Variants in AP1S2 observed in about 807,000 individuals in gnomAD.
AP1S2 encodes AP-1 complex subunit sigma-2.
AP1S2 carries 1 observed loss-of-function variant against 14.3 expected under a neutral mutation model. The ratio of observed to expected loss-of-function variants is 0.07; its 90% CI spans 0.02 to 0.33. AP1S2 has a LOEUF of 0.33. Ranked by LOEUF, AP1S2 falls within the 10% of genes least tolerant of loss-of-function variation. The probability of loss-of-function intolerance (pLI) is 0.99; values close to 1 mark genes in which losing one functional copy is unlikely to be tolerated. For missense variants in AP1S2, 30 were observed against 117.7 expected, an observed-to-expected ratio of 0.25 and a Z score of 3.45; for synonymous variants, 30 against 40.5, an observed-to-expected ratio of 0.74 and a Z score of 0.99.
rs1934290756 is a variant in AP1S2, at chrX:15,854,726, C to T, written c.-39G>A. ...CGCGGGCGCGGCGGAGCTTGGCCGG[C>T]GGCGGCGGCGGCGGCGAAGGGGAAG... On this transcript the variant is annotated 5_prime_UTR_variant, in exon 1 of 6. Coordinates refer to ENST00000672987, the MANE Select transcript of AP1S2 (RefSeq NM_001272071.2). The T allele has an allele frequency of 1.3e-6, 1 of 795,569 alleles. No homozygotes were observed. The highest frequency in any genetic ancestry group is 1.5e-6 in the Non-Finnish European group (1 of 666,228). The allele number at this position is 795,569 out of a possible 1,213,427, so 65.6% of individuals were successfully genotyped here. A position where few individuals can be genotyped will look rare whatever the true frequency, so the allele number is the denominator to read the frequency against.
intron 1 of AP1S2, among the ~76,000 whole-genome samples, chrX:15,853,447 C>G (rs750268777): frequency 2.7e-5 from 3 of 112,543 alleles, no homozygotes; most frequent in African/African-American, 9.7e-5. Flanking sequence ...CAACTGCAAA[C>G]AGAAGTATTG....
intron 4 of AP1S2, among the ~76,000 whole-genome samples, chrX:15,829,365 G>T (rs910926020): frequency 9.0e-6 from 1 of 111,435 alleles, no homozygotes; most frequent in Admixed American, 9.6e-5. Flanking sequence ...TAGTTTAAAG[G>T]TTCATGTAGC....
chrX:15,834,441 TATATATATATATA>T (rs1406686265), intron 4 of AP1S2, among the ~76,000 whole-genome samples: 3 of 20,954 alleles, frequency 1.4e-4, no homozygotes, highest in African/African-American at 7.8e-4. Context: ...CCTTCCAAAA[TATATATATATATA>T]TATATATATA....
intron 4 of AP1S2, among the ~76,000 whole-genome samples, chrX:15,835,591 A>ATTT (rs1231490969): frequency 3.8e-5 from 4 of 106,004 alleles, no homozygotes; most frequent in Non-Finnish European, 7.8e-5. Context: ...AAGTCAAGCG[A>ATTT]TTTTTTTTTT....
chrX:15,852,888 G>T, intron 1 of AP1S2: 1 of 747,210 alleles, frequency 1.3e-6, no homozygotes, highest in South Asian at 6.8e-5. Flanking sequence ...TGCATCAAAA[G>T]AGAATGGTAG....
intron 2 of AP1S2, among the ~76,000 whole-genome samples, chrX:15,852,144 A>T (rs750033646): frequency 8.9e-6 from 1 of 112,315 alleles, no homozygotes. Context: ...TTTTCAAAGG[A>T]TTTCCCTGCC....
Position 15,836,548 on chromosome X carries a change from A to T in AP1S2, c.427-8348T>A, listed in dbSNP as rs1354545260. Among the ~76,000 whole-genome samples, 3 of 112,470 alleles carry T rather than the reference A, an allele frequency of 2.7e-5. No homozygotes were observed. In the East Asian group the frequency reaches 8.3e-4, roughly 31 times the overall value. ...ACCCATTAGTTATCAAATACTAAAG[A>T]CAAATCACTTTATCTACCAGTTAGT... On this transcript the variant is annotated intron_variant, in intron 4 of 5. Coordinates refer to ENST00000672987, the MANE Select transcript of AP1S2 (RefSeq NM_001272071.2).
At chrX:15,848,905 C>A (rs988036089) in intron 2 of AP1S2, among the ~76,000 whole-genome samples, 1 of 112,220 alleles carries the variant, frequency 8.9e-6, no homozygotes, top group Non-Finnish European at 1.9e-5. Context: ...ATTAAAAATT[C>A]TTTTGTTAGT....
intron 5 of AP1S2, 85 bp downstream of exon 5, chrX:15,828,107 G>T: frequency 2.7e-6 from 2 of 751,017 alleles, no homozygotes; most frequent in Non-Finnish European, 3.7e-6. Flanking sequence ...GGTATTACTA[G>T]CAACGAATTT....
intron 4 of AP1S2, among the ~76,000 whole-genome samples, chrX:15,834,474 AT>A (rs1361663842): frequency 0.074 from 2,340 of 31,410 alleles, 52 homozygotes; most frequent in African/African-American, 0.11. Flanking sequence ...ATATATATAT[AT>A]ATATAATTTT....
chrX:15,828,297 T>A (rs1933323709), intron 4 of AP1S2, 97 bp from the exon 5 acceptor site: 4 of 651,595 alleles, frequency 6.1e-6, no homozygotes, highest in Non-Finnish European at 8.6e-6. Flanking sequence ...CATGGTGTAA[T>A]CTTAAGTAAA....
intron 2 of AP1S2, among the ~76,000 whole-genome samples, chrX:15,851,891 G>T (rs908906612): frequency 8.9e-6 from 1 of 111,849 alleles, no homozygotes; most frequent in Non-Finnish European, 1.9e-5. Flanking sequence ...CATAGTCAAG[G>T]TATTTACACG....
intron 4 of AP1S2, among the ~76,000 whole-genome samples, chrX:15,834,472 AT>A (rs1356036855): frequency 0.038 from 1,243 of 32,783 alleles, 32 homozygotes; most frequent in African/African-American, 0.069. Context: ...ATATATATAT[AT>A]ATATATAATT....
At chrX:15,841,477 A>C (rs1933830795) in intron 4 of AP1S2, among the ~76,000 whole-genome samples, 2 of 111,838 alleles carry the variant, frequency 1.8e-5, no homozygotes, top group Non-Finnish European at 3.8e-5. Flanking sequence ...CTACAAATGT[A>C]AGTCTGAATT....
chrX:15,830,119 A>G (rs1194630381), intron 4 of AP1S2: 1 of 748,002 alleles, frequency 1.3e-6, no homozygotes, highest in African/African-American at 2.3e-5. Context: ...TACTAATTTA[A>G]AGCAAGCAGC....
intron 1 of AP1S2, among the ~76,000 whole-genome samples, chrX:15,853,193 AAAC>A (rs1313715028): frequency 4.4e-5 from 5 of 112,882 alleles, no homozygotes; most frequent in Non-Finnish European, 9.4e-5. Flanking sequence ...ATGAAAAAGA[AAAC>A]AAACGTTTAA....
chrX:15,833,606 C>T lies in AP1S2; in HGVS notation c.427-5406G>A, dbSNP rs761874950. 20 of 543,581 alleles carry T rather than the reference C, an allele frequency of 3.7e-5. No individual in the cohort carries two copies. The African/African-American group carries it at 4.9e-4, about 13-fold the overall frequency. The allele number at this position is 543,581 out of a possible 1,213,427, so 44.8% of individuals were successfully genotyped here. A position where few individuals can be genotyped will look rare whatever the true frequency, so the allele number is the denominator to read the frequency against. Reference sequence around the variant, plus strand: ...GTTTTAAATAATTTCCCAGTTTAGACTTCTAGGGTCTGAAAAAGTTCTGTT... The same window carrying T: ...GTTTTAAATAATTTCCCAGTTTAGATTTCTAGGGTCTGAAAAAGTTCTGTT... On this transcript the variant is annotated intron_variant, in intron 4 of 5. Transcript: ENST00000672987.
At chrX:15,848,266 G>A (rs561264587) in intron 2 of AP1S2, among the ~76,000 whole-genome samples, 2 of 111,427 alleles carry the variant, frequency 1.8e-5, no homozygotes, top group South Asian at 7.5e-4. Context: ...CTGAATCCTC[G>A]CCCTACATGA....
At chrX:15,837,827 G>C (rs768611577) in intron 4 of AP1S2, among the ~76,000 whole-genome samples, 3 of 109,709 alleles carry the variant, frequency 2.7e-5, no homozygotes, top group African/African-American at 1.0e-4. Flanking sequence ...GGTTGGTCTC[G>C]ATCTCCTGAC....
Sources: gnomAD v4.1 joint callset for allele counts (sites outside exome capture counted in the v4.1 genomes callset) on GRCh38, gnomAD v4.1.1 for gene constraint, MANE v1.5 for transcripts, NCBI Gene and HGNC (gene_info 2026-07-23, HGNC 2026-07-21) for gene names.